EYS: variants seen among roughly 807,000 people sequenced by gnomAD.
The protein encoded by EYS is protein eyes shut homolog.
In EYS, 250 loss-of-function variants were observed where a neutral mutation model predicts 282.1. The observed-to-expected ratio is 0.89, with a 90% confidence interval of 0.80 to 0.98. The LOEUF (loss-of-function observed/expected upper bound fraction) is 0.98. EYS is among the 50% of genes least tolerant of loss of function. The pLI, the probability that EYS is intolerant of heterozygous loss-of-function variation, is 0.00. For synonymous variants in EYS, 1,355 were observed against 1,282.9 expected (o/e 1.06, Z -1.20); for missense variants, 4,016 against 3,709.0 (o/e 1.08, Z -2.15).
At chr6:65,499,693 T>A (rs186462949) in intron 2 of EYS, among the ~76,000 whole-genome samples, 16 of 151,998 alleles carry the variant, frequency 1.1e-4, no homozygotes, top group Admixed American at 2.6e-4. Context: ...ATTATAGGAG[T>A]GAAAATGTGT....
chr6:63,787,993 TG>T (rs1770409046), intron 39 of EYS, 111 bp downstream of exon 39: 3 of 782,680 alleles, frequency 3.8e-6, no homozygotes, highest in Non-Finnish European at 3.8e-6. Flanking sequence ...TGTTCAAGTC[TG>T]AAAGCAATCC....
intron 24 of EYS, among the ~76,000 whole-genome samples, chr6:64,609,265 A>T (rs1020958614): frequency 7.9e-5 from 12 of 152,190 alleles, no homozygotes; most frequent in Admixed American, 1.3e-4. Context: ...TGGCAGTATT[A>T]TGAGGTTTAC....
chr6:64,371,646 A>G (rs1424600637), intron 29 of EYS, among the ~76,000 whole-genome samples: 1 of 152,138 alleles, frequency 6.6e-6, no homozygotes, highest in Non-Finnish European at 1.5e-5. Flanking sequence ...GTGGTCATCT[A>G]AGTCTCTTTT....
At chr6:65,093,225 A>G (rs933025593) in intron 12 of EYS, among the ~76,000 whole-genome samples, 4 of 152,030 alleles carry the variant, frequency 2.6e-5, no homozygotes, top group African/African-American at 9.7e-5. Context: ...AGGAGGAATA[A>G]AACACTTTCC....
intron 12 of EYS, among the ~76,000 whole-genome samples, chr6:65,203,371 T>C (rs1033447020): frequency 6.6e-6 from 1 of 152,050 alleles, no homozygotes; most frequent in African/African-American, 2.4e-5. Context: ...ACCATCTCTG[T>C]AGGAGACAGT....
intron 33 of EYS, among the ~76,000 whole-genome samples, chr6:64,032,057 C>T (rs144040555): frequency 0.013 from 1,982 of 152,210 alleles, 37 homozygotes; most frequent in South Asian, 0.045. Context: ...CAGCTTCACC[C>T]CTGAAGCCAG....
chr6:64,317,664 C>A (rs1770028337), intron 29 of EYS, among the ~76,000 whole-genome samples: 1 of 152,150 alleles, frequency 6.6e-6, no homozygotes, highest in Non-Finnish European at 1.5e-5. Context: ...TTTGACCCAG[C>A]AATCCCTTTA....
At position 65,276,516 on chromosome 6, in the gene EYS, T is replaced by G. The variant is rs953216680; in HGVS notation, c.2023+19347A>C. ...GGCAAAGAAGAGTTACTACACTGCC[T>G]GTAGTTATTGACTCTGACTACTAGA... is the stretch of plus-strand genomic sequence containing the variant. On this transcript the variant is annotated intron_variant, in intron 12 of 42. Transcript: ENST00000503581. Among the ~76,000 whole-genome samples the G allele has an allele frequency of 2.6e-5, 4 of 152,134 alleles. No homozygotes were observed. In the South Asian group the frequency reaches 8.3e-4, roughly 32 times the overall value.
chr6:64,088,996 T>G (rs1377324549), intron 31 of EYS, among the ~76,000 whole-genome samples: 1 of 152,002 alleles, frequency 6.6e-6, no homozygotes. Context: ...GAATATTGTT[T>G]GCTATTTCTT....
intron 31 of EYS, among the ~76,000 whole-genome samples, chr6:64,094,092 C>A (rs1252462052): frequency 6.6e-6 from 1 of 152,018 alleles, no homozygotes; most frequent in Non-Finnish European, 1.5e-5. Context: ...GCCTTGCATC[C>A]CAGGGATGAA....
intron 19 of EYS, among the ~76,000 whole-genome samples, chr6:64,845,505 G>A (rs1248771613): frequency 6.9e-6 from 1 of 143,950 alleles, no homozygotes; most frequent in Non-Finnish European, 1.5e-5. Context: ...TTTTATTCAA[G>A]TTTCTTCCAA....
chr6:65,359,815 G>T (rs946144951), intron 8 of EYS, among the ~76,000 whole-genome samples: 8 of 151,826 alleles, frequency 5.3e-5, no homozygotes, highest in African/African-American at 1.9e-4. Context: ...GGGTTCAAAA[G>T]CATTAACTCA....
rs182107979 is a variant in EYS at position 65,282,090 on chromosome 6, G to C, written c.2023+13773C>G. On this transcript the variant is annotated intron_variant, in intron 12 of 42. Transcript: ENST00000503581. ...GAGGATGGAGGATTTGAGTGGGGGT[G>C]GGGGGTGATGATTAATGAATACAAA... is the stretch of plus-strand genomic sequence containing the variant. Among the ~76,000 whole-genome samples, 56 of 136,708 alleles carry C rather than the reference G, an allele frequency of 4.1e-4. 1 individual carries two copies. The highest frequency in any genetic ancestry group is 1.3e-3 in the African/African-American group (53 of 39,284). The allele number at this position is 136,708 out of a possible 152,430, so 89.7% of individuals were successfully genotyped here. A position where few individuals can be genotyped will look rare whatever the true frequency, so the allele number is the denominator to read the frequency against.
chr6:64,433,590 G>A (rs12175349), intron 28 of EYS, among the ~76,000 whole-genome samples: 42,082 of 151,622 alleles, frequency 0.28, 5,960 homozygotes, highest in East Asian at 0.47. Context: ...TATAGACAGG[G>A]TATCAACTAA....
At chr6:64,259,854 A>G (rs1051795596) in intron 30 of EYS, among the ~76,000 whole-genome samples, 1 of 78,588 alleles carries the variant, frequency 1.3e-5, no homozygotes, top group Non-Finnish European at 3.0e-5. Context: ...TTTATCAAAA[A>G]CAAAACTTAT....
chr6:63,817,888 C>G (rs1014049662), intron 36 of EYS, among the ~76,000 whole-genome samples: 1 of 152,172 alleles, frequency 6.6e-6, no homozygotes, highest in Non-Finnish European at 1.5e-5. Context: ...CGGTCAGGAG[C>G]TTCACGAGGC....
chr6:64,963,216 A>C (rs539865056), intron 14 of EYS, among the ~76,000 whole-genome samples: 7 of 152,212 alleles, frequency 4.6e-5, no homozygotes, highest in Non-Finnish European at 7.4e-5. Context: ...TCTGACCAAC[A>C]CTCAATACTT....
chr6:64,290,565 C>T (rs1008125891), intron 30 of EYS, among the ~76,000 whole-genome samples: 1 of 151,896 alleles, frequency 6.6e-6, no homozygotes, highest in Non-Finnish European at 1.5e-5. Context: ...GCTCGCTTAG[C>T]AGTCTAATGC....
chr6:64,137,904 A>C (rs955471655), intron 31 of EYS, among the ~76,000 whole-genome samples: 1 of 152,156 alleles, frequency 6.6e-6, no homozygotes, highest in Non-Finnish European at 1.5e-5. Flanking sequence ...ACTTTGTAAA[A>C]AACAAAAACA....
Sources: gnomAD v4.1 joint callset for allele counts (sites outside exome capture counted in the v4.1 genomes callset) on GRCh38, gnomAD v4.1.1 for gene constraint, MANE v1.5 for transcripts, NCBI Gene and HGNC (gene_info 2026-07-23, HGNC 2026-07-21) for gene names.